The following STT3B variants were observed in gnomAD, a reference collection of about 807,000 sequenced individuals.
STT3B encodes dolichyl-diphosphooligosaccharide--protein glycosyltransferase subunit STT3B.
In STT3B, 29 loss-of-function variants were observed where a neutral mutation model predicts 96.8. That is an observed-to-expected ratio of 0.30 (90% CI 0.22 to 0.41). The LOEUF (loss-of-function observed/expected upper bound fraction) is 0.41, where lower values mean the gene tolerates loss of function less well. Ranked by LOEUF, STT3B falls within the 10% of genes least tolerant of loss-of-function variation. STT3B has a pLI of 1.00. For synonymous variants in STT3B, 367 were observed against 360.0 expected (o/e 1.02, Z -0.22); for missense variants, 640 against 1,022.3 (o/e 0.63, Z 5.10).
chr3:31,576,341 G>A, intron 1 of STT3B, 55 bp from the exon 2 acceptor site: 1 of 949,704 alleles, frequency 1.1e-6, no homozygotes, highest in Non-Finnish European at 1.6e-6. Context: ...ATATAAAGAA[G>A]GAGCTATTTC....
intron 1 of STT3B, among the ~76,000 whole-genome samples, chr3:31,573,829 G>A (rs1412394236): frequency 6.6e-6 from 1 of 152,014 alleles, no homozygotes; most frequent in Admixed American, 6.6e-5. Flanking sequence ...ACATCCTTTC[G>A]GCAGAGATTT....
chr3:31,556,373 G>A (rs1442214605), intron 1 of STT3B, among the ~76,000 whole-genome samples: 4 of 152,122 alleles, frequency 2.6e-5, no homozygotes, highest in Admixed American at 2.0e-4. Context: ...GTGAACGCAC[G>A]TGTCCCTTTG....
chr3:31,591,903 C>G (rs911994317), intron 3 of STT3B, among the ~76,000 whole-genome samples: 22 of 151,956 alleles, frequency 1.4e-4, no homozygotes, highest in Admixed American at 1.4e-3. Flanking sequence ...TAGAGCAAAT[C>G]TGCTGTAATG....
intron 3 of STT3B, among the ~76,000 whole-genome samples, chr3:31,584,565 G>A (rs771552554): frequency 6.6e-6 from 1 of 152,060 alleles, no homozygotes; most frequent in Admixed American, 6.5e-5. Flanking sequence ...GTTATATGAA[G>A]TTGATAATCT....
chr3:31,543,722 G>A (rs1397273636), intron 1 of STT3B, among the ~76,000 whole-genome samples: 1 of 152,184 alleles, frequency 6.6e-6, no homozygotes, highest in African/African-American at 2.4e-5. Flanking sequence ...TGGAAGAAAT[G>A]GTATATGTGA....
At chr3:31,618,375 A>C (rs1699356444) in intron 8 of STT3B, among the ~76,000 whole-genome samples, 1 of 151,788 alleles carries the variant, frequency 6.6e-6, no homozygotes, top group Admixed American at 6.6e-5. Flanking sequence ...AAGAAAATTT[A>C]ATTTTTTCTA....
At chr3:31,571,146 G>C (rs1157935165) in intron 1 of STT3B, among the ~76,000 whole-genome samples, 1 of 152,130 alleles carries the variant, frequency 6.6e-6, no homozygotes, top group African/African-American at 2.4e-5. Flanking sequence ...TATGTCTTCT[G>C]ACATGAACAG....
intron 3 of STT3B, 105 bp from the exon 4 acceptor site, chr3:31,596,693 A>T (rs1698799299): frequency 2.5e-6 from 2 of 801,082 alleles, no homozygotes; most frequent in African/African-American, 1.7e-5. Context: ...TTTTTAGAAT[A>T]ACCTTGACTT....
At chr3:31,633,266 A>G (rs1699698091) in intron 15 of STT3B, 119 bp downstream of exon 15, 4 of 851,772 alleles carry the variant, frequency 4.7e-6, no homozygotes, top group South Asian at 1.8e-5. Flanking sequence ...TATGGCTTCT[A>G]TATTAATACG....
At chr3:31,591,957 A>G (rs1035455970) in intron 3 of STT3B, among the ~76,000 whole-genome samples, 16 of 152,050 alleles carry the variant, frequency 1.1e-4, no homozygotes, top group African/African-American at 3.9e-4. Context: ...GTTTTTTTAA[A>G]CTATGGTAAA....
chr3:31,596,908 G>A, intron 4 of STT3B, 45 bp downstream of exon 4: 1 of 1,415,676 alleles, frequency 7.1e-7, no homozygotes, highest in East Asian at 2.3e-5. Context: ...GTAGGTCTCT[G>A]GAGGTTAAAA....
chr3:31,608,037 G>A (rs184457998), intron 5 of STT3B, among the ~76,000 whole-genome samples: 19 of 152,240 alleles, frequency 1.2e-4, no homozygotes, highest in Admixed American at 9.2e-4. Context: ...AACAATAAGA[G>A]GCTGTACAGT....
At chr3:31,607,952 A>G (rs549234380) in intron 5 of STT3B, among the ~76,000 whole-genome samples, 1 of 152,050 alleles carries the variant, frequency 6.6e-6, no homozygotes, top group Non-Finnish European at 1.5e-5. Context: ...TTGGGATTAC[A>G]CCCCAGTATT....
At chr3:31,573,681 A>G (rs1698206222) in intron 1 of STT3B, among the ~76,000 whole-genome samples, 1 of 152,176 alleles carries the variant, frequency 6.6e-6, no homozygotes, top group Admixed American at 6.5e-5. Flanking sequence ...TCTGAGATGC[A>G]TTTGTGACAT....
intron 3 of STT3B, among the ~76,000 whole-genome samples, chr3:31,583,939 T>G (rs1698476313): frequency 6.6e-6 from 1 of 152,126 alleles, no homozygotes; most frequent in South Asian, 2.1e-4. Context: ...CTAATTAATT[T>G]TTGTTGTTGT....
intron 2 of STT3B, among the ~76,000 whole-genome samples, chr3:31,577,932 T>C (rs534436997): frequency 1.3e-5 from 2 of 152,262 alleles, no homozygotes; most frequent in East Asian, 3.9e-4. Context: ...GCCTGTTTTC[T>C]CTAAGAGTCC....
intron 10 of STT3B, among the ~76,000 whole-genome samples, chr3:31,622,611 T>C (rs1198476067): frequency 6.6e-6 from 1 of 152,204 alleles, no homozygotes; most frequent in Non-Finnish European, 1.5e-5. Flanking sequence ...AACTTTATGC[T>C]GTACTAAATT....
intron 1 of STT3B, among the ~76,000 whole-genome samples, chr3:31,551,207 TTG>T (rs1165017921): frequency 6.6e-6 from 1 of 151,684 alleles, no homozygotes; most frequent in East Asian, 1.9e-4. Flanking sequence ...TGTTTTTTGT[TTG>T]TTTGTTTGTT....
chr3:31,564,151 AAT>A (rs1575416123), intron 1 of STT3B, among the ~76,000 whole-genome samples: 1 of 152,228 alleles, frequency 6.6e-6, no homozygotes, highest in South Asian at 2.1e-4. Flanking sequence ...ATATAAAAAA[AAT>A]AGTTTACCTT....
Sources: gnomAD v4.1 joint callset for allele counts (sites outside exome capture counted in the v4.1 genomes callset) on GRCh38, gnomAD v4.1.1 for gene constraint, MANE v1.5 for transcripts, NCBI Gene and HGNC (gene_info 2026-07-23, HGNC 2026-07-21) for gene names.